ATP9B: variants seen among roughly 807,000 people sequenced by gnomAD.
The protein encoded by ATP9B is probable phospholipid-transporting ATPase IIB.
In ATP9B, 110 loss-of-function variants were observed where a neutral mutation model predicts 146.1. The observed-to-expected ratio is 0.75, with a 90% confidence interval of 0.65 to 0.88. The LOEUF (loss-of-function observed/expected upper bound fraction) is 0.88. Among genes scored for constraint, ATP9B ranks in the 40% least tolerant of loss-of-function variants. The probability of loss-of-function intolerance (pLI) is 0.00; values close to 1 mark genes in which losing one functional copy is unlikely to be tolerated. For missense variants in ATP9B, 1,499 were observed against 1,496.4 expected (o/e 1.00, Z -0.03); for synonymous variants, 604 against 569.7 (o/e 1.06, Z -0.86).
chr18:79,246,877 G>A (rs541821583), intron 11 of ATP9B, among the ~76,000 whole-genome samples: 1 of 152,326 alleles, frequency 6.6e-6, no homozygotes, highest in Admixed American at 6.5e-5. Context: ...CTGATTTTCA[G>A]TTAAACAATG....
In ATP9B at chr18:79,345,661, C is replaced by G. The variant is rs1422879802; in HGVS notation, c.2617+89C>G. On this transcript the variant is annotated intron_variant, in intron 22 of 29. Coordinates refer to ENST00000426216, the MANE Select transcript of ATP9B (RefSeq NM_198531.5). ...GGCAAAGTTTGTTCCATCTCTAAAA[C>G]TAGATTGATTTCATCTCCATTCATG... is the stretch of plus-strand genomic sequence containing the variant. 6.9e-6 allele frequency: 11 copies of G among 1,597,914 alleles called. No homozygotes were observed. In the East Asian group the frequency reaches 2.2e-4, roughly 33 times the overall value.
chr18:79,113,998 A>G (rs1272639487), intron 4 of ATP9B, among the ~76,000 whole-genome samples: 3 of 151,798 alleles, frequency 2.0e-5, no homozygotes, highest in Non-Finnish European at 4.4e-5. Context: ...ATTTTTGGAG[A>G]TAGAGTCTCA....
In ATP9B at chr18:79,124,239, A is replaced by AAATCTTCTAAAATTAGATGATGGT. The variant is rs2147163773; in HGVS notation, c.559-2027_559-2004dup. On this transcript the variant is annotated intron_variant, in intron 4 of 29. Coordinates refer to ENST00000426216, the MANE Select transcript of ATP9B (RefSeq NM_198531.5). Reference sequence around the variant, plus strand: ...ATGGTGCTTCATTTTGGGATGATGGAAATCTTCTAAAATTAGATGATGGTG... The same window carrying AAATCTTCTAAAATTAGATGATGGT: ...ATGGTGCTTCATTTTGGGATGATGGAAATCTTCTAAAATTAGATGATGGTAATCTTCTAAAATTAGATGATGGTG... Among the ~76,000 whole-genome samples, 2 of 152,336 alleles carry AAATCTTCTAAAATTAGATGATGGT rather than the reference A, an allele frequency of 1.3e-5. 1 individual carries two copies. The highest frequency in any genetic ancestry group is 4.1e-4 in the South Asian group (2 of 4,828).
At position 79,374,045 on chromosome 18, in the gene ATP9B, AGTT is replaced by A. The variant is rs1448498199; in HGVS notation, c.3219_3221del (p.Glu1073_Phe1074delinsAsp). The A allele has an allele frequency of 6.2e-7, 1 of 1,614,110 alleles. No individual in the cohort carries two copies. The highest frequency in any genetic ancestry group is 8.5e-7 in the Non-Finnish European group (1 of 1,180,026). ...TGGCACTGGCTGATGGTGGTGGCCGAGTTCCTCAGCTTAGGCTGCTACGTGTCC... is the reference window on the plus strand; with the variant it reads ...TGGCACTGGCTGATGGTGGTGGCCGACCTCAGCTTAGGCTGCTACGTGTCC... On this transcript the variant is annotated inframe_deletion, in exon 28 of 30. Coordinates refer to ENST00000426216, the MANE Select transcript of ATP9B (RefSeq NM_198531.5).
chr18:79,301,105 C>G (rs2096587592), intron 13 of ATP9B, among the ~76,000 whole-genome samples: 1 of 152,226 alleles, frequency 6.6e-6, no homozygotes, highest in Admixed American at 6.5e-5. Flanking sequence ...AAACTTGGTA[C>G]TTACCCTAAT....
intron 13 of ATP9B, among the ~76,000 whole-genome samples, chr18:79,302,562 A>G (rs1296025427): frequency 2.0e-5 from 3 of 152,242 alleles, no homozygotes; most frequent in Non-Finnish European, 4.4e-5. Flanking sequence ...AGCCAAATAA[A>G]TAAAACATAT....
chr18:79,336,543 A>G (rs1600143262), intron 17 of ATP9B, 85 bp from the exon 18 acceptor site: 1 of 1,260,936 alleles, frequency 7.9e-7, no homozygotes, highest in African/African-American at 1.5e-5. Context: ...GGCACCAGCA[A>G]TCAGAGTGTG....
rs776703909 is a variant in ATP9B, at chr18:79,345,510, C to T, written c.2555C>T (p.Thr852Ile). The change falls in exon 22 of 30, where the codon ACC becomes ATC. Residue 852 changes from threonine to isoleucine, a missense_variant. Transcript: ENST00000426216. ...GTGGTTTGCTGCCGCTGCTCACCCA[C>T]CCAGAAGGCCCGCATTGTGACACTG... ...PAVVCCRCSP[T>I]QKARIVTLLQ... The T allele has an allele frequency of 1.4e-5, 22 of 1,612,966 alleles. No individual in the cohort carries two copies. In the South Asian group the frequency reaches 2.4e-4, roughly 18 times the overall value.
At chr18:79,273,823 TAGGG>T (rs1293213013) in intron 12 of ATP9B, among the ~76,000 whole-genome samples, 1 of 152,194 alleles carries the variant, frequency 6.6e-6, no homozygotes, top group Non-Finnish European at 1.5e-5. Flanking sequence ...TTTTGGACAA[TAGGG>T]AGGTATAATT....
At chr18:79,172,980 T>C (rs1373353285) in intron 7 of ATP9B, among the ~76,000 whole-genome samples, 2 of 152,254 alleles carry the variant, frequency 1.3e-5, no homozygotes, top group Non-Finnish European at 2.9e-5. Context: ...CAGTTTTGTT[T>C]TACATTCCCA....
intron 11 of ATP9B, among the ~76,000 whole-genome samples, chr18:79,236,672 G>T (rs1484278515): frequency 1.1e-4 from 16 of 152,224 alleles, no homozygotes; most frequent in Non-Finnish European, 1.3e-4. Flanking sequence ...AGAAGTGATT[G>T]TCGAAAGGCT....
intron 17 of ATP9B, among the ~76,000 whole-genome samples, chr18:79,335,147 G>A (rs60476329): frequency 0.28 from 42,586 of 152,110 alleles, 6,303 homozygotes; most frequent in East Asian, 0.52. Flanking sequence ...GATTCTCTCC[G>A]CTGGCTATGT....
chr18:79,092,019 C>A (rs2074363900), intron 1 of ATP9B, among the ~76,000 whole-genome samples: 1 of 151,932 alleles, frequency 6.6e-6, no homozygotes, highest in African/African-American at 2.4e-5. Flanking sequence ...CTAGGCAGTT[C>A]TTTTTTTGAT....
intron 14 of ATP9B, among the ~76,000 whole-genome samples, chr18:79,304,298 C>CT (rs1422064806): frequency 6.6e-6 from 1 of 152,118 alleles, no homozygotes; most frequent in Non-Finnish European, 1.5e-5. Context: ...GATAAGGACT[C>CT]TGCCTTTCGT....
intron 12 of ATP9B, among the ~76,000 whole-genome samples, chr18:79,268,842 A>G (rs963271207): frequency 1.6e-4 from 25 of 152,030 alleles, no homozygotes; most frequent in African/African-American, 5.8e-4. Flanking sequence ...TGAACTCTCA[A>G]TTCTTGCTTG....
intron 11 of ATP9B, among the ~76,000 whole-genome samples, chr18:79,219,310 C>T (rs1002375774): frequency 2.6e-5 from 4 of 151,922 alleles, no homozygotes; most frequent in Non-Finnish European, 2.9e-5. Flanking sequence ...AGCATATTTA[C>T]CAGGCAGCCC....
rs758775361 is a variant in ATP9B at position 79,175,178 on chromosome 18, C to T, written c.779-1635C>T. 9.6e-5 allele frequency among the ~76,000 whole-genome samples: 13 copies of T among 136,048 alleles called. No individual in the cohort carries two copies. In the East Asian group the frequency reaches 1.7e-3, roughly 18 times the overall value. The allele number at this position is 136,048 out of a possible 152,430, so 89.3% of individuals were successfully genotyped here. ...ATTGTGCCACTGCACTCCAGCCTGG[C>T]GACAGAGCGAGACTGTCTCAAAAAA... On this transcript the variant is annotated intron_variant, in intron 7 of 29. Transcript: ENST00000426216.
intron 11 of ATP9B, among the ~76,000 whole-genome samples, chr18:79,234,959 G>A (rs55880536): frequency 2.0e-5 from 3 of 152,090 alleles, no homozygotes; most frequent in Non-Finnish European, 4.4e-5. Context: ...CGCAACCTCC[G>A]CCTCCTGGGT....
At chr18:79,305,985 C>A (rs1049314311) in intron 14 of ATP9B, among the ~76,000 whole-genome samples, 1 of 152,198 alleles carries the variant, frequency 6.6e-6, no homozygotes, top group African/African-American at 2.4e-5. Flanking sequence ...CTAAACATCA[C>A]GTAGTTTGGA....
Sources: gnomAD v4.1 joint callset for allele counts (sites outside exome capture counted in the v4.1 genomes callset) on GRCh38, gnomAD v4.1.1 for gene constraint, MANE v1.5 for transcripts, NCBI Gene and HGNC (gene_info 2026-07-23, HGNC 2026-07-21) for gene names.